SPARCL1: variants seen among roughly 807,000 people sequenced by gnomAD.
SPARCL1 encodes SPARC like 1, also known as SPARC-like protein 1.
SPARCL1 carries 52 observed loss-of-function variants against 67.1 expected under a neutral mutation model. The observed-to-expected ratio is 0.78, with a 90% CI of 0.62 to 0.98. SPARCL1 has a LOEUF of 0.98. Among genes scored for constraint, SPARCL1 ranks in the 50% least tolerant of loss-of-function variants. The probability of loss-of-function intolerance (pLI) is 0.00; values close to 1 mark genes in which losing one functional copy is unlikely to be tolerated. For missense variants in SPARCL1, 717 were observed against 782.4 expected (o/e 0.92, Z 1.00); for synonymous variants, 226 against 267.8 (o/e 0.84, Z 1.52).
At chr4:87,487,047 AT>A (rs1331449537) in intron 7 of SPARCL1, among the ~76,000 whole-genome samples, 15 of 150,640 alleles carry the variant, frequency 1.0e-4, no homozygotes, top group South Asian at 4.2e-4. Flanking sequence ...TTTTTATCCA[AT>A]TTGCCAGTCT....
intron 7 of SPARCL1, among the ~76,000 whole-genome samples, chr4:87,483,361 T>A (rs150025764): frequency 0.03 from 4,564 of 152,282 alleles, 126 homozygotes; most frequent in African/African-American, 0.058. Flanking sequence ...CCTGTGTTAG[T>A]TTGCTGAGAA....
At position 87,495,537 on chromosome 4, in the gene SPARCL1, T is replaced by C. The variant is rs145188517; in HGVS notation, c.55-410A>G. On this transcript the variant is annotated intron_variant, in intron 2 of 10. Coordinates refer to ENST00000282470, the MANE Select transcript of SPARCL1 (RefSeq NM_004684.6). ...TATAGTATTGTACATTTGCCTAATT[T>C]AAGTACCCACCGATAATTAGCAGAA... is the stretch of plus-strand genomic sequence containing the variant. 5.3e-3 allele frequency among the ~76,000 whole-genome samples: 801 copies of C among 152,320 alleles called. 24 individuals are homozygous for C. Among genetic ancestry groups the C allele is most frequent in the Admixed American group, 0.043 (653 of 15,298 alleles).
At chr4:87,513,738 G>A (rs1184675774) in intron 1 of SPARCL1, among the ~76,000 whole-genome samples, 10 of 152,068 alleles carry the variant, frequency 6.6e-5, no homozygotes, top group South Asian at 2.1e-4. Flanking sequence ...CCCCTTTTCC[G>A]TATCTTCCTC....
intron 1 of SPARCL1, among the ~76,000 whole-genome samples, chr4:87,520,530 A>G (rs180970047): frequency 6.6e-6 from 1 of 152,304 alleles, no homozygotes; most frequent in East Asian, 1.9e-4. Context: ...TTTGTTCCTA[A>G]GCAAGGCAAG....
At chr4:87,488,162 G>A (rs1256486739) in intron 7 of SPARCL1, among the ~76,000 whole-genome samples, 1 of 152,182 alleles carries the variant, frequency 6.6e-6, no homozygotes, top group Non-Finnish European at 1.5e-5. Context: ...TGATCCTTTG[G>A]AGGAGAAGAG....
At chr4:87,477,033 A>C (rs1723611003) in intron 10 of SPARCL1, among the ~76,000 whole-genome samples, 1 of 152,232 alleles carries the variant, frequency 6.6e-6, no homozygotes, top group Non-Finnish European at 1.5e-5. Flanking sequence ...CTTCAAAATA[A>C]GGCAATGATG....
At chr4:87,505,258 TTGC>T (rs1725027168) in intron 1 of SPARCL1, among the ~76,000 whole-genome samples, 1 of 152,288 alleles carries the variant, frequency 6.6e-6, no homozygotes, top group South Asian at 2.1e-4. Flanking sequence ...GAATCCTAAA[TTGC>T]TGCTATCTTT....
intron 1 of SPARCL1, among the ~76,000 whole-genome samples, chr4:87,520,997 G>A (rs1725790070): frequency 6.6e-6 from 1 of 152,042 alleles, no homozygotes; most frequent in East Asian, 1.9e-4. Flanking sequence ...GATTTATTAG[G>A]GAACCTACAC....
At chr4:87,508,105 A>G (rs1330267474) in intron 1 of SPARCL1, among the ~76,000 whole-genome samples, 1 of 152,192 alleles carries the variant, frequency 6.6e-6, no homozygotes, top group Admixed American at 6.5e-5. Flanking sequence ...AAGGATAGGC[A>G]CCATTGACAA....
chr4:87,516,620 T>C (rs1317055819), intron 1 of SPARCL1, among the ~76,000 whole-genome samples: 2 of 152,076 alleles, frequency 1.3e-5, no homozygotes, highest in East Asian at 1.9e-4. Flanking sequence ...AGTGAGTGCT[T>C]CCTGACCATC....
rs1723430962 is a variant in SPARCL1, at chr4:87,473,490, A to T, written c.*285T>A. 3.6e-6 allele frequency: 1 copy of T among 277,532 alleles called. No homozygotes were observed. Among genetic ancestry groups the T allele is most frequent in the Non-Finnish European group, 6.7e-6 (1 of 149,750 alleles). 17.2% of individuals were successfully genotyped at this position (277,532 alleles called of 1,614,324 possible). A position where few individuals can be genotyped will look rare whatever the true frequency, so the allele number is the denominator to read the frequency against. ...ATCATTAATAGTTTAATCATTAATTATCTCATAAGTCAATGCAGAGAGTGA... is the reference window on the plus strand; with the variant it reads ...ATCATTAATAGTTTAATCATTAATTTTCTCATAAGTCAATGCAGAGAGTGA... On this transcript the variant is annotated 3_prime_UTR_variant, in exon 11 of 11. Transcript: ENST00000282470.
chr4:87,492,485 G>A (rs1724391869), intron 4 of SPARCL1, among the ~76,000 whole-genome samples: 1 of 152,026 alleles, frequency 6.6e-6, no homozygotes. Context: ...AGTAACCCTT[G>A]GAGAACAGGA....
intron 2 of SPARCL1, among the ~76,000 whole-genome samples, chr4:87,498,823 C>A (rs1445088083): frequency 6.6e-6 from 1 of 151,982 alleles, no homozygotes; most frequent in Non-Finnish European, 1.5e-5. Context: ...TCTCAGCCAG[C>A]ATCTATTTGA....
chr4:87,494,707 A>T (rs1724544633), intron 3 of SPARCL1, 109 bp from the exon 4 acceptor site: 2 of 967,968 alleles, frequency 2.1e-6, no homozygotes, highest in Non-Finnish European at 3.0e-6. Context: ...ACTATCATGT[A>T]AACATGTTTA....
At position 87,501,068 on chromosome 4, in the gene SPARCL1, A is replaced by G. The variant is rs150245866; in HGVS notation, c.-11-1483T>C. On this transcript the variant is annotated intron_variant, in intron 1 of 10. Transcript: ENST00000282470. Reference sequence around the variant, plus strand: ...ACTTATTCTTCCTGAATTTTCCAACAAAATTTAAAATTTCCTCTTAATATG... The same window carrying G: ...ACTTATTCTTCCTGAATTTTCCAACGAAATTTAAAATTTCCTCTTAATATG... Among the ~76,000 whole-genome samples the G allele has an allele frequency of 2.6e-3, 402 of 152,300 alleles. 3 individuals carry two copies. The highest frequency in any genetic ancestry group is 9.2e-3 in the African/African-American group (382 of 41,550).
In SPARCL1 at chr4:87,482,387, G is replaced by A. The variant is rs1186737131; in HGVS notation, c.1668+37C>T. The A allele has an allele frequency of 1.9e-6, 3 of 1,605,758 alleles. No homozygotes were observed. In the African/African-American group the frequency reaches 4.0e-5, roughly 21 times the overall value. On this transcript the variant is annotated intron_variant, in intron 8 of 10. Transcript: ENST00000282470. ...ACGTCTTTCTTCCTCATGCCCTGTA[G>A]ACAGACATTGAAGAAGCTAACCTGT...
Position 87,494,264 on chromosome 4 carries a change from C to A in SPARCL1, c.536G>T (p.Ser179Ile). 6.2e-7 allele frequency: 1 copy of A among 1,614,024 alleles called. No homozygotes were observed. The highest frequency in any genetic ancestry group is 8.5e-7 in the Non-Finnish European group (1 of 1,180,004). ...ATCCCTTAGGCCTTGGCTATGTTTACTGCTCCTGTTCAACTGATGATGTGA... is the reference window on the plus strand; with the variant it reads ...ATCCCTTAGGCCTTGGCTATGTTTAATGCTCCTGTTCAACTGATGATGTGA... ...NYSHHQLNRS[S>I]KHSQGLRDQG... The change falls in exon 4 of 11, where the codon AGT (serine) becomes ATT (isoleucine). Residue 179 changes from serine to isoleucine, a missense_variant. Coordinates refer to ENST00000282470, the MANE Select transcript of SPARCL1 (RefSeq NM_004684.6).
In SPARCL1 at chr4:87,521,719, C is replaced by T. The variant is rs191815461; in HGVS notation, c.-12+7326G>A. ...AGTTTAATGAACTAAGAAAGACATA[C>T]CATGTGTACTAGAAAAAGGAGAGGT... On this transcript the variant is annotated intron_variant, in intron 1 of 10. Coordinates refer to ENST00000282470, the MANE Select transcript of SPARCL1 (RefSeq NM_004684.6). 5.1e-3 allele frequency among the ~76,000 whole-genome samples: 784 copies of T among 152,282 alleles called. 5 individuals are homozygous for T. Among genetic ancestry groups the T allele is most frequent in the African/African-American group, 0.017 (722 of 41,550 alleles).
intron 2 of SPARCL1, chr4:87,497,198 A>T: frequency 1.0e-6 from 1 of 985,202 alleles, no homozygotes; most frequent in Non-Finnish European, 1.2e-6. Flanking sequence ...CAGGATTCAT[A>T]TTAGGTTTGG....
Sources: allele counts gnomAD v4.1 joint callset (sites outside exome capture counted in the v4.1 genomes callset), GRCh38; gene constraint gnomAD v4.1.1; transcripts MANE v1.5; gene names NCBI Gene and HGNC (gene_info 2026-07-23, HGNC 2026-07-21).